The following ZCWPW2 variants were observed in gnomAD, a reference collection of about 807,000 sequenced individuals.
ZCWPW2 encodes the protein zinc finger CW-type and PWWP domain containing 2, also known as zinc finger CW-type PWWP domain protein 2.
A neutral mutation model predicts 46.6 loss-of-function variants in ZCWPW2; 45 were observed. The observed-to-expected ratio is 0.96, with a 90% CI of 0.76 to 1.24. The LOEUF is 1.24. Among genes scored for constraint, ZCWPW2 ranks in the 50% most tolerant of loss-of-function variants. ZCWPW2 has a pLI of 0.00. For synonymous variants in ZCWPW2, 152 were observed against 137.1 expected, an observed-to-expected ratio of 1.11 and a Z score of -0.76; for missense variants, 429 against 403.9, an observed-to-expected ratio of 1.06 and a Z score of -0.53.
chr3:28,424,231 A>ACT (rs1249174395), intron 3 of ZCWPW2, among the ~76,000 whole-genome samples: 1 of 95,760 alleles, frequency 1.0e-5, no homozygotes, highest in Non-Finnish European at 2.2e-5. Flanking sequence ...TTATTCCAAC[A>ACT]CACACACACA....
chr3:28,524,611 A>C lies in ZCWPW2; in HGVS notation c.994A>C (p.Lys332Gln). The change falls in exon 10 of 10, where the codon AAA becomes CAA. Residue 332 changes from lysine (K) to glutamine (Q), a missense_variant. By Grantham distance (53) the Lys-to-Gln change is moderately conservative. Coordinates refer to ENST00000383768, the MANE Select transcript of ZCWPW2 (RefSeq NM_001040432.4). The stretch of plus-strand genomic sequence containing the variant: ...GGACTATCTTGTAATTGATGGGATA[A>C]AATTAAAAGCTGGAGAATGTATTGA... ...EEDYLVIDGIKLKAGECIEDI... is the reference protein window; with the variant it reads ...EEDYLVIDGIQLKAGECIEDI... 1 of 1,608,916 alleles carries C rather than the reference A, an allele frequency of 6.2e-7. No homozygotes were observed. Among genetic ancestry groups the C allele is most frequent in the Non-Finnish European group, 8.5e-7 (1 of 1,177,400 alleles).
intron 2 of ZCWPW2, among the ~76,000 whole-genome samples, chr3:28,411,110 C>A (rs937417894): frequency 5.3e-5 from 8 of 151,690 alleles, no homozygotes; most frequent in African/African-American, 1.9e-4. Flanking sequence ...CTTATTTATA[C>A]ACACATGTAA....
At chr3:28,351,079 A>G (rs998748827) in intron 1 of ZCWPW2, among the ~76,000 whole-genome samples, 2 of 151,562 alleles carry the variant, frequency 1.3e-5, no homozygotes, top group African/African-American at 2.4e-5. Flanking sequence ...TTTCTTTTAA[A>G]CCATTACATT....
Position 28,520,982 on chromosome 3 carries a change from GT to G in ZCWPW2, c.785-3del, listed in dbSNP as rs759302693. On this transcript the variant is annotated splice_polypyrimidine_tract_variant and intron_variant, in intron 8 of 9. Coordinates refer to ENST00000383768, the MANE Select transcript of ZCWPW2 (RefSeq NM_001040432.4). ...GTAGCATTTTTACTGTATTAATCCT[GT>G]TTTTTTAGTTGTCTGTGAGACGGAA... 2 of 1,613,016 alleles carry G rather than the reference GT, an allele frequency of 1.2e-6. No individual in the cohort carries two copies. The highest frequency in any genetic ancestry group is 1.1e-5 in the South Asian group (1 of 90,992).
chr3:28,475,662 A>C (rs1235075260), intron 4 of ZCWPW2, among the ~76,000 whole-genome samples: 1 of 152,058 alleles, frequency 6.6e-6, no homozygotes, highest in African/African-American at 2.4e-5. Context: ...ACTCAGCTAC[A>C]CTGGATTCTT....
intron 2 of ZCWPW2, among the ~76,000 whole-genome samples, chr3:28,410,644 A>G (rs1187414900): frequency 3.3e-5 from 5 of 152,044 alleles, no homozygotes; most frequent in African/African-American, 1.2e-4. Flanking sequence ...AAAACTAAAT[A>G]ATAAAGCAAT....
chr3:28,447,898 G>A (rs1035799869), intron 4 of ZCWPW2: 2 of 863,430 alleles, frequency 2.3e-6, no homozygotes, highest in African/African-American at 1.7e-5. Context: ...GGTTCGTGCT[G>A]TGAGGCCTAA....
In ZCWPW2 at chr3:28,515,593, T is replaced by C; in HGVS notation, c.756T>C (p.Ser252=). 1 of 1,612,900 alleles carries C rather than the reference T, an allele frequency of 6.2e-7. No homozygotes were observed. Among genetic ancestry groups the C allele is most frequent in the Non-Finnish European group, 8.5e-7 (1 of 1,179,420 alleles). Residue 252 remains serine, a synonymous_variant, in exon 8 of 10, where the codon TCT becomes TCC. Transcript: ENST00000383768. ...ILKCSFENVY[S]DDALSKENRV... Reference sequence around the variant, plus strand: ...AATGCTCTTTTGAAAATGTTTATTCTGATGATGCCTTATCAAAGGAGAACA... The same window carrying C: ...AATGCTCTTTTGAAAATGTTTATTCCGATGATGCCTTATCAAAGGAGAACA...
intron 2 of ZCWPW2, among the ~76,000 whole-genome samples, chr3:28,392,025 A>C (rs904800198): frequency 6.6e-6 from 1 of 152,220 alleles, no homozygotes; most frequent in African/African-American, 2.4e-5. Flanking sequence ...TCCAATTAAA[A>C]GACATAGAGT....
At chr3:28,411,162 A>G (rs866213082) in intron 2 of ZCWPW2, among the ~76,000 whole-genome samples, 3 of 152,020 alleles carry the variant, frequency 2.0e-5, no homozygotes, top group Non-Finnish European at 4.4e-5. Flanking sequence ...AATGTATATT[A>G]AAAACTTATG....
At chr3:28,443,823 C>A (rs1697868733) in intron 4 of ZCWPW2, among the ~76,000 whole-genome samples, 1 of 152,162 alleles carries the variant, frequency 6.6e-6, no homozygotes, top group Admixed American at 6.5e-5. Flanking sequence ...AAATCTGTTT[C>A]ACAAGGCATT....
chr3:28,393,608 A>G (rs1295911809), intron 2 of ZCWPW2, among the ~76,000 whole-genome samples: 1 of 152,218 alleles, frequency 6.6e-6, no homozygotes, highest in Non-Finnish European at 1.5e-5. Context: ...AATGAAATTT[A>G]TCTTTGGGAT....
intron 4 of ZCWPW2, among the ~76,000 whole-genome samples, chr3:28,460,572 T>G (rs968476563): frequency 7.9e-5 from 12 of 152,194 alleles, no homozygotes; most frequent in Admixed American, 3.3e-4. Context: ...TAACTAAATC[T>G]ATGGATTCTC....
At chr3:28,445,866 C>T (rs561965711) in intron 4 of ZCWPW2, among the ~76,000 whole-genome samples, 1 of 151,908 alleles carries the variant, frequency 6.6e-6, no homozygotes, top group South Asian at 2.1e-4. Flanking sequence ...CAAATAGTAA[C>T]CAAAAGAGAA....
intron 2 of ZCWPW2, among the ~76,000 whole-genome samples, chr3:28,394,790 T>C (rs11921692): frequency 0.3 from 44,879 of 151,990 alleles, 6,902 homozygotes; most frequent in African/African-American, 0.34. Context: ...ACATAAGACC[T>C]GAAACTATAT....
In ZCWPW2 at chr3:28,377,656, G is replaced by A. The variant is rs189974277; in HGVS notation, c.-133-12842G>A. Among the ~76,000 whole-genome samples, 350 of 152,066 alleles carry A rather than the reference G, an allele frequency of 2.3e-3. 1 individual carries two copies. The highest frequency in any genetic ancestry group is 7.4e-3 in the African/African-American group (306 of 41,536). ...ACATGCAGGAAAAAGTAACTAAGCC[G>A]TCTAAATTTTGTATTCTGATTCATT... is the stretch of plus-strand genomic sequence containing the variant. On this transcript the variant is annotated intron_variant, in intron 1 of 9. Coordinates refer to ENST00000383768, the MANE Select transcript of ZCWPW2 (RefSeq NM_001040432.4).
chr3:28,452,963 T>C lies in ZCWPW2; in HGVS notation c.492+17694T>C, dbSNP rs114052978. On this transcript the variant is annotated intron_variant, in intron 4 of 9. Transcript: ENST00000383768. ...GAAGTAGAGCTAGTTGATCATCTTA[T>C]TCTTTGATTCTTCAGTACATGACTG... 7.3e-3 allele frequency among the ~76,000 whole-genome samples: 1,111 copies of C among 152,298 alleles called. 9 individuals are homozygous for C. The highest frequency in any genetic ancestry group is 0.025 in the African/African-American group (1,057 of 41,542).
intron 3 of ZCWPW2, among the ~76,000 whole-genome samples, chr3:28,417,672 C>G (rs951918335): frequency 7.7e-6 from 1 of 130,414 alleles, no homozygotes; most frequent in Admixed American, 8.3e-5. Flanking sequence ...CCACCATGAT[C>G]AAGTGGGCTT....
At chr3:28,378,646 T>A (rs2125707704) in intron 1 of ZCWPW2, among the ~76,000 whole-genome samples, 1 of 152,242 alleles carries the variant, frequency 6.6e-6, no homozygotes, top group Non-Finnish European at 1.5e-5. Context: ...AGGGATGATG[T>A]TCAACTGATA....
Sources: gnomAD v4.1 joint callset for allele counts (sites outside exome capture counted in the v4.1 genomes callset) on GRCh38, gnomAD v4.1.1 for gene constraint, MANE v1.5 for transcripts, NCBI Gene and HGNC (gene_info 2026-07-23, HGNC 2026-07-21) for gene names.